TEX36: variants seen among roughly 807,000 people sequenced by gnomAD.
TEX36 encodes the protein testis-expressed protein 36.
Under a neutral mutation model 13.6 loss-of-function variants are expected in TEX36, and 12 were observed. The observed-to-expected ratio is 0.88, with a 90% CI of 0.56 to 1.43. TEX36 has a LOEUF of 1.43. Ranked by LOEUF, TEX36 falls within the 40% of genes most tolerant of loss-of-function variation. The pLI is 0.00. For synonymous variants in TEX36, 93 were observed against 83.0 expected, an observed-to-expected ratio of 1.12 and a Z score of -0.65; for missense variants, 224 against 228.3, an observed-to-expected ratio of 0.98 and a Z score of 0.12.
intron 3 of TEX36, among the ~76,000 whole-genome samples, chr10:125,627,531 T>A (rs1280217254): frequency 6.6e-6 from 1 of 152,238 alleles, no homozygotes; most frequent in Non-Finnish European, 1.5e-5. Context: ...AAAACGTCAT[T>A]TTCTATTTAA....
chr10:125,659,525 A>G (rs1846998352), intron 3 of TEX36, among the ~76,000 whole-genome samples: 1 of 152,194 alleles, frequency 6.6e-6, no homozygotes, highest in Non-Finnish European at 1.5e-5. Flanking sequence ...TGCTTTGGTT[A>G]TTTAAAAAAC....
intron 3 of TEX36, among the ~76,000 whole-genome samples, chr10:125,660,561 T>G (rs1389361342): frequency 6.6e-6 from 1 of 152,240 alleles, no homozygotes; most frequent in Non-Finnish European, 1.5e-5. Context: ...TGTATCAGAC[T>G]TCATGTTCTC....
chr10:125,613,065 C>G (rs923112016), intron 3 of TEX36, among the ~76,000 whole-genome samples: 1 of 151,878 alleles, frequency 6.6e-6, no homozygotes, highest in Non-Finnish European at 1.5e-5. Context: ...CCACCTCCAG[C>G]TGAGAGACTG....
chr10:125,576,938 C>T, intron 3 of TEX36: 9 of 1,530,360 alleles, frequency 5.9e-6, no homozygotes, highest in Non-Finnish European at 6.1e-6. Context: ...TGTAGTTCAG[C>T]AATCAGAGAG....
intron 3 of TEX36, among the ~76,000 whole-genome samples, chr10:125,633,142 T>G (rs180749892): frequency 6.6e-6 from 1 of 152,242 alleles, no homozygotes; most frequent in Non-Finnish European, 1.5e-5. Context: ...AAAAATTATA[T>G]GCATACTTCA....
intron 3 of TEX36, among the ~76,000 whole-genome samples, chr10:125,626,500 A>G (rs1846492376): frequency 6.6e-6 from 1 of 152,192 alleles, no homozygotes; most frequent in South Asian, 2.1e-4. Flanking sequence ...CTCCTCATCC[A>G]ACAGACATCG....
intron 3 of TEX36, among the ~76,000 whole-genome samples, chr10:125,586,366 T>C (rs1845949247): frequency 6.6e-6 from 1 of 152,170 alleles, no homozygotes; most frequent in South Asian, 2.1e-4. Flanking sequence ...TCTTCATATA[T>C]CTTGTAGTTT....
exon 4 of TEX36, chr10:125,576,696 T>G: frequency 6.5e-7 from 1 of 1,531,702 alleles, no homozygotes; most frequent in Non-Finnish European, 8.7e-7. Flanking sequence ...TAATACACAT[T>G]CTATTAGTCA....
At chr10:125,579,350 G>T (rs1423916078) in intron 3 of TEX36, among the ~76,000 whole-genome samples, 1 of 152,156 alleles carries the variant, frequency 6.6e-6, no homozygotes, top group Middle Eastern at 3.2e-3. Context: ...GGGGGGCAAA[G>T]CCCCTTATAA....
At chr10:125,655,582 T>G, downstream of TEX36, 1 of 730,740 alleles carries the variant, frequency 1.4e-6, no homozygotes, top group Non-Finnish European at 1.7e-6. Context: ...ACATACAGGA[T>G]TGGAGATGTG....
intron 3 of TEX36, among the ~76,000 whole-genome samples, chr10:125,644,318 G>C (rs551353432): frequency 1.3e-5 from 2 of 152,238 alleles, no homozygotes; most frequent in African/African-American, 4.8e-5. Context: ...GAGGAAGATA[G>C]AGCCAGGTAT....
intron 3 of TEX36, among the ~76,000 whole-genome samples, chr10:125,659,880 G>T (rs535208638): frequency 1.3e-5 from 2 of 152,242 alleles, no homozygotes; most frequent in East Asian, 3.9e-4. Context: ...GGATTTGCAG[G>T]TATCACTTGA....
chr10:125,584,289 A>T (rs571769153), intron 3 of TEX36, among the ~76,000 whole-genome samples: 1 of 152,356 alleles, frequency 6.6e-6, no homozygotes, highest in Non-Finnish European at 1.5e-5. Context: ...AATAAAATGG[A>T]TGTTGTTTGA....
chr10:125,677,772 C>T (rs1409280677), intron 1 of TEX36, among the ~76,000 whole-genome samples: 1 of 152,174 alleles, frequency 6.6e-6, no homozygotes, highest in Non-Finnish European at 1.5e-5. Flanking sequence ...ACCTCCGCCA[C>T]CCAGACTCAA....
intron 1 of TEX36, among the ~76,000 whole-genome samples, chr10:125,676,288 G>A (rs1847310032): frequency 6.6e-6 from 1 of 152,180 alleles, no homozygotes; most frequent in African/African-American, 2.4e-5. Flanking sequence ...GAATCTGGGT[G>A]CTCCAGTGTT....
chr10:125,609,119 C>T (rs1846257589), intron 3 of TEX36, among the ~76,000 whole-genome samples: 2 of 148,822 alleles, frequency 1.3e-5, no homozygotes, highest in Non-Finnish European at 3.0e-5. Flanking sequence ...GGTGCCACTG[C>T]ACTCCAGCAT....
chr10:125,590,293 T>C (rs555530747), intron 3 of TEX36, among the ~76,000 whole-genome samples: 247 of 151,724 alleles, frequency 1.6e-3, no homozygotes, highest in Non-Finnish European at 2.9e-3. Context: ...AAAAAAAAAA[T>C]TTTTGTAGAG....
intron 3 of TEX36, among the ~76,000 whole-genome samples, chr10:125,623,406 C>T (rs1417932195): frequency 6.6e-6 from 1 of 152,150 alleles, no homozygotes; most frequent in Admixed American, 6.5e-5. Flanking sequence ...GTTTACTGGC[C>T]ATCTAGGCAT....
intron 3 of TEX36, among the ~76,000 whole-genome samples, chr10:125,626,867 C>A (rs927832669): frequency 1.3e-5 from 2 of 152,156 alleles, no homozygotes; most frequent in Non-Finnish European, 2.9e-5. Context: ...AAGTCAGAGA[C>A]GTCTAATGGC....
Sources: gnomAD v4.1 joint callset for allele counts (sites outside exome capture counted in the v4.1 genomes callset) on GRCh38, gnomAD v4.1.1 for gene constraint, MANE v1.5 for transcripts, NCBI Gene and HGNC (gene_info 2026-07-23, HGNC 2026-07-21) for gene names.